LAMA1: variants seen among roughly 807,000 people sequenced by gnomAD.
LAMA1 encodes laminin subunit alpha-1.
Under a neutral mutation model 348.7 loss-of-function variants are expected in LAMA1, and 219 were observed. The observed-to-expected ratio is 0.63, with a 90% CI of 0.56 to 0.70. The LOEUF (loss-of-function observed/expected upper bound fraction) is 0.70. Ranked by LOEUF, LAMA1 falls within the 30% of genes least tolerant of loss-of-function variation. The pLI is 0.00. For missense variants in LAMA1, 3,744 were observed against 3,888.0 expected (o/e 0.96, Z 0.99); for synonymous variants, 1,487 against 1,491.0 (o/e 1.00, Z 0.06).
At chr18:7,028,229 G>A (rs976005285) in intron 16 of LAMA1, among the ~76,000 whole-genome samples, 5 of 152,192 alleles carry the variant, frequency 3.3e-5, no homozygotes, top group Non-Finnish European at 7.3e-5. Context: ...TTAGATTGGC[G>A]TGGGAAGCTG....
Position 7,044,794 on chromosome 18 carries a change from T to TA in LAMA1, c.903dup (p.Asn302Ter). ...TGATGGTACCCAGGACAGCACCTGTTACAGCTCTCCCCGCAAGTATTATGC... is the reference window on the plus strand; with the variant it reads ...TGATGGTACCCAGGACAGCACCTGTTAACAGCTCTCCCCGCAAGTATTATGC... On this transcript the variant is annotated frameshift_variant, in exon 7 of 63. Coordinates refer to ENST00000389658, the MANE Select transcript of LAMA1 (RefSeq NM_005559.4). LOFTEE classifies it high-confidence loss of function. The TA allele has an allele frequency of 6.2e-7, 1 of 1,614,208 alleles. No individual in the cohort carries two copies. Among genetic ancestry groups the TA allele is most frequent in the Non-Finnish European group, 8.5e-7 (1 of 1,180,040 alleles).
intron 24 of LAMA1, 125 bp from the exon 25 acceptor site, chr18:7,011,604 G>T: frequency 9.9e-7 from 1 of 1,014,754 alleles, no homozygotes; most frequent in Non-Finnish European, 1.5e-6. Context: ...AAACAGTAAA[G>T]ACTTTTCCTT....
chr18:7,052,329 G>C (rs60021041), intron 3 of LAMA1, among the ~76,000 whole-genome samples: 15,253 of 151,954 alleles, frequency 0.1, 919 homozygotes, highest in South Asian at 0.13. Context: ...TACTCAGGAG[G>C]CTGAGTCACG....
Position 6,951,565 on chromosome 18 carries a change from G to A in LAMA1, c.8208-594C>T, listed in dbSNP as rs139998988. Among the ~76,000 whole-genome samples the A allele has an allele frequency of 6.6e-5, 10 of 152,274 alleles. No individual in the cohort carries two copies. The East Asian group carries it at 1.7e-3, about 27-fold the overall frequency. ...GGGCTTTGAGGGTGTTTGGATTTTCGGCACAGTGGGAAGTCACAGGAGGGC... is the reference window on the plus strand; with the variant it reads ...GGGCTTTGAGGGTGTTTGGATTTTCAGCACAGTGGGAAGTCACAGGAGGGC... On this transcript the variant is annotated intron_variant, in intron 57 of 62. Coordinates refer to ENST00000389658, the MANE Select transcript of LAMA1 (RefSeq NM_005559.4).
chr18:6,976,594 ATTTAT>A (rs1568014773), intron 44 of LAMA1, among the ~76,000 whole-genome samples: 86 of 116,112 alleles, frequency 7.4e-4, no homozygotes, highest in Middle Eastern at 8.5e-3. Flanking sequence ...GCTTATATTT[ATTTAT>A]TTATTTATTT....
chr18:7,088,518 T>A (rs1389686806), intron 1 of LAMA1, among the ~76,000 whole-genome samples: 2 of 151,902 alleles, frequency 1.3e-5, no homozygotes, highest in East Asian at 3.9e-4. Context: ...TTTATTATTA[T>A]TATTATTTTA....
intron 3 of LAMA1, among the ~76,000 whole-genome samples, chr18:7,077,406 T>C (rs574441347): frequency 1.3e-5 from 2 of 152,066 alleles, no homozygotes; most frequent in East Asian, 1.9e-4. Context: ...GGGATTTCAC[T>C]GTGTTAGCCA....
intron 1 of LAMA1, among the ~76,000 whole-genome samples, chr18:7,097,832 TCCCTCTC>T (rs954648595): frequency 2.5e-4 from 38 of 151,648 alleles, no homozygotes; most frequent in South Asian, 1.7e-3. Context: ...CCTCTCCCTC[TCCCTCTC>T]CCCTCTCCCC....
At chr18:6,966,389 C>T (rs976666342) in intron 48 of LAMA1, 92 bp from the exon 49 acceptor site, 3 of 1,060,640 alleles carry the variant, frequency 2.8e-6, no homozygotes, top group Middle Eastern at 2.0e-4. Context: ...ACAAAGATCA[C>T]TGTAGAGCTA....
chr18:6,974,693 C>G (rs1029251969), intron 46 of LAMA1, among the ~76,000 whole-genome samples: 2 of 152,044 alleles, frequency 1.3e-5, no homozygotes, highest in Admixed American at 6.6e-5. Context: ...GGTGATCCGC[C>G]TGCCTTGGCC....
In LAMA1 at chr18:6,977,748, C is replaced by T. The variant is rs1288996109; in HGVS notation, c.6324G>A (p.Gln2108=). ...NLSEIKLLIS[Q]ARKQAASIKV... is the part of the protein sequence containing the mutation. ...TCACAGAAGCTGCTTGTTTGCGGGC[C>T]TGGCTGATCAACAGTTTAATTTCTG... The change falls in exon 44 of 63, where the codon CAG becomes CAA. Residue 2108 remains glutamine, a synonymous_variant. Transcript: ENST00000389658. 6.2e-7 allele frequency: 1 copy of T among 1,614,142 alleles called. No individual in the cohort carries two copies.
chr18:6,998,786 A>G (rs1416562582), intron 32 of LAMA1, among the ~76,000 whole-genome samples: 1 of 152,204 alleles, frequency 6.6e-6, no homozygotes, highest in African/African-American at 2.4e-5. Flanking sequence ...TAATCCCAGA[A>G]TTTTGGGAGG....
At chr18:7,113,303 G>A (rs1376715139) in intron 1 of LAMA1, among the ~76,000 whole-genome samples, 48 of 152,238 alleles carry the variant, frequency 3.2e-4, no homozygotes, top group Admixed American at 3.0e-3. Context: ...ACAAATAGGT[G>A]CAGGCGTATC....
intron 36 of LAMA1, among the ~76,000 whole-genome samples, chr18:6,992,325 T>A (rs1417555365): frequency 6.6e-6 from 1 of 152,222 alleles, no homozygotes; most frequent in Non-Finnish European, 1.5e-5. Flanking sequence ...GGACAGAAGC[T>A]ACCGCATGAT....
intron 58 of LAMA1, among the ~76,000 whole-genome samples, chr18:6,949,780 C>G (rs1267602954): frequency 6.6e-6 from 1 of 152,194 alleles, no homozygotes; most frequent in Non-Finnish European, 1.5e-5. Context: ...CCTCCTTGCT[C>G]AGGGACCAAA....
intron 1 of LAMA1, among the ~76,000 whole-genome samples, chr18:7,085,576 G>A (rs1211105498): frequency 1.3e-5 from 2 of 151,578 alleles, no homozygotes; most frequent in Non-Finnish European, 2.9e-5. Flanking sequence ...CCGCCACCAA[G>A]CCCGGCTAAT....
intron 29 of LAMA1, among the ~76,000 whole-genome samples, chr18:7,003,029 C>T (rs535127040): frequency 1.9e-4 from 29 of 151,870 alleles, no homozygotes; most frequent in Non-Finnish European, 3.8e-4. Flanking sequence ...CAGAGGCACA[C>T]GCCACCATGT....
chr18:6,965,850 T>C, intron 49 of LAMA1: 1 of 425,542 alleles, frequency 2.3e-6, no homozygotes, highest in South Asian at 2.6e-5. Context: ...ACAAGACATA[T>C]TATTTGAGCT....
At chr18:7,002,166 T>G in intron 30 of LAMA1, 98 bp downstream of exon 30, 1 of 1,469,750 alleles carries the variant, frequency 6.8e-7, no homozygotes, top group African/African-American at 1.4e-5. Context: ...TGGAGAATAT[T>G]CATTAACAAC....
Sources: gnomAD v4.1 joint callset for allele counts (sites outside exome capture counted in the v4.1 genomes callset) on GRCh38, gnomAD v4.1.1 for gene constraint, MANE v1.5 for transcripts, NCBI Gene and HGNC (gene_info 2026-07-23, HGNC 2026-07-21) for gene names.